LRRC49: variants seen among roughly 807,000 people sequenced by gnomAD.
LRRC49 encodes leucine rich repeat containing 49, also known as leucine-rich repeat-containing protein 49.
In LRRC49, 50 loss-of-function variants were observed where a neutral mutation model predicts 83.3. That is an observed-to-expected ratio of 0.60 (90% confidence interval 0.48 to 0.76). The LOEUF is 0.76. Among genes scored for constraint, LRRC49 ranks in the 30% least tolerant of loss-of-function variants. The pLI is 0.00. For missense variants in LRRC49, 704 were observed against 809.1 expected (o/e 0.87, Z 1.58); for synonymous variants, 286 against 283.3 (o/e 1.01, Z -0.10).
chr15:70,959,413 C>G (rs527727718), intron 8 of LRRC49, among the ~76,000 whole-genome samples: 4 of 151,994 alleles, frequency 2.6e-5, no homozygotes, highest in African/African-American at 9.6e-5. Flanking sequence ...ATCGCTTGAA[C>G]CAGGGAGGCG....
At chr15:70,954,018 C>T (rs111802443) in intron 8 of LRRC49, among the ~76,000 whole-genome samples, 108 of 152,172 alleles carry the variant, frequency 7.1e-4, no homozygotes, top group African/African-American at 2.5e-3. Context: ...CCTCAGTCTC[C>T]CGAGTACTTG....
At chr15:70,944,812 T>G (rs2035950630) in intron 8 of LRRC49, among the ~76,000 whole-genome samples, 1 of 152,188 alleles carries the variant, frequency 6.6e-6, no homozygotes, top group African/African-American at 2.4e-5. Flanking sequence ...CATGAAAATA[T>G]TCACATTGTT....
intron 2 of LRRC49, chr15:70,882,648 T>C (rs1260795870): frequency 5.0e-6 from 8 of 1,613,482 alleles, no homozygotes; most frequent in Non-Finnish European, 6.8e-6. Flanking sequence ...TTGGCTTGAA[T>C]ACCTGAAAGA....
chr15:70,948,230 T>C (rs1273824589), intron 8 of LRRC49, among the ~76,000 whole-genome samples: 18 of 152,028 alleles, frequency 1.2e-4, no homozygotes, highest in Admixed American at 1.1e-3. Flanking sequence ...GGTTCTCCTG[T>C]CCCTCTCAGA....
chr15:70,936,691 C>A, intron 7 of LRRC49, 70 bp from the exon 8 acceptor site: 1 of 918,560 alleles, frequency 1.1e-6, no homozygotes, highest in Non-Finnish European at 1.8e-6. Context: ...ATTTCAATAG[C>A]TTAGCAAGAA....
intron 7 of LRRC49, among the ~76,000 whole-genome samples, chr15:70,935,607 A>G (rs2035566846): frequency 6.6e-6 from 1 of 152,222 alleles, no homozygotes; most frequent in Non-Finnish European, 1.5e-5. Flanking sequence ...GAAACAGTAA[A>G]ACAAGTTTTG....
At chr15:70,987,504 C>A (rs371054217) in intron 11 of LRRC49, among the ~76,000 whole-genome samples, 2 of 151,874 alleles carry the variant, frequency 1.3e-5, no homozygotes. Context: ...TTTTTTATTG[C>A]GTCTATTTGA....
At chr15:70,923,879 C>G (rs2035095915) in intron 7 of LRRC49, among the ~76,000 whole-genome samples, 1 of 151,812 alleles carries the variant, frequency 6.6e-6, no homozygotes, top group Non-Finnish European at 1.5e-5. Context: ...TTTATTGCCA[C>G]ATACTTCGGT....
intron 14 of LRRC49, among the ~76,000 whole-genome samples, chr15:71,030,074 G>A (rs926016311): frequency 6.6e-6 from 1 of 152,110 alleles, no homozygotes; most frequent in South Asian, 2.1e-4. Context: ...GATACTAGCT[G>A]GTTATTTTGT....
intron 8 of LRRC49, among the ~76,000 whole-genome samples, chr15:70,942,041 G>GTA (rs1254120375): frequency 3.6e-5 from 5 of 137,826 alleles, no homozygotes; most frequent in African/African-American, 1.5e-4. Flanking sequence ...TTATGTGTGT[G>GTA]TGTGTGTGTG....
chr15:70,913,937 G>A (rs564976600), intron 6 of LRRC49, among the ~76,000 whole-genome samples: 1 of 152,122 alleles, frequency 6.6e-6, no homozygotes, highest in South Asian at 2.1e-4. Context: ...GATGAAAAAT[G>A]TCTGTTCCTT....
intron 10 of LRRC49, among the ~76,000 whole-genome samples, chr15:70,982,232 CT>C (rs1320188594): frequency 6.6e-6 from 1 of 152,052 alleles, no homozygotes; most frequent in African/African-American, 2.4e-5. Flanking sequence ...CTGAGTATTT[CT>C]TTCGCCTACC....
At chr15:71,027,681 G>A (rs2039219479) in intron 14 of LRRC49, among the ~76,000 whole-genome samples, 1 of 152,010 alleles carries the variant, frequency 6.6e-6, no homozygotes, top group Non-Finnish European at 1.5e-5. Context: ...TGTATTCCTA[G>A]GTATTTTATT....
chr15:70,872,474 G>A (rs1463866425), intron 1 of LRRC49, among the ~76,000 whole-genome samples: 1 of 152,158 alleles, frequency 6.6e-6, no homozygotes, highest in African/African-American at 2.4e-5. Flanking sequence ...TCCCTGGTTT[G>A]TTGAATGACT....
chr15:70,986,924 T>G (rs1171057619), intron 11 of LRRC49, among the ~76,000 whole-genome samples: 14 of 152,244 alleles, frequency 9.2e-5, no homozygotes, highest in Admixed American at 3.9e-4. Flanking sequence ...TCTGTTTATA[T>G]GCTGGATTAC....
At chr15:70,933,470 A>G (rs1162852706) in intron 7 of LRRC49, among the ~76,000 whole-genome samples, 2 of 152,150 alleles carry the variant, frequency 1.3e-5, no homozygotes, top group Middle Eastern at 6.3e-3. Context: ...CTTGACAGTA[A>G]AATAAATACT....
At chr15:71,006,410 T>C (rs990851683) in intron 11 of LRRC49, among the ~76,000 whole-genome samples, 1 of 152,094 alleles carries the variant, frequency 6.6e-6, no homozygotes, top group Non-Finnish European at 1.5e-5. Flanking sequence ...TGATTCCCCA[T>C]CATTTTTACA....
chr15:70,885,462 G>T (rs1476885976), intron 2 of LRRC49, among the ~76,000 whole-genome samples: 2 of 152,072 alleles, frequency 1.3e-5, no homozygotes, highest in Non-Finnish European at 2.9e-5. Context: ...AAAATGAAGA[G>T]AAAAACTTAA....
chr15:71,012,653 A>G (rs1456822212), intron 13 of LRRC49, 151 bp from the exon 14 acceptor site: 14 of 512,168 alleles, frequency 2.7e-5, no homozygotes, highest in Admixed American at 1.5e-4. Flanking sequence ...AAAAATATCA[A>G]TGAAAACTCT....
Sources: gnomAD v4.1 joint callset for allele counts (sites outside exome capture counted in the v4.1 genomes callset) on GRCh38, gnomAD v4.1.1 for gene constraint, MANE v1.5 for transcripts, NCBI Gene and HGNC (gene_info 2026-07-23, HGNC 2026-07-21) for gene names.